Variants in LUZP2 observed in about 807,000 individuals in gnomAD.
LUZP2 encodes leucine zipper protein 2.
Under a neutral mutation model 51.6 loss-of-function variants are expected in LUZP2, and 52 were observed. The observed-to-expected ratio is 1.01, with a 90% CI of 0.81 to 1.27. LUZP2 has a LOEUF of 1.27. Ranked by LOEUF, LUZP2 falls within the 50% of genes most tolerant of loss-of-function variation. The probability of loss-of-function intolerance (pLI) is 0.00; values close to 1 mark genes in which losing one functional copy is unlikely to be tolerated. For missense variants in LUZP2, 436 were observed against 395.4 expected (o/e 1.10, Z -0.87); for synonymous variants, 154 against 137.3 (o/e 1.12, Z -0.85).
At chr11:25,004,802 C>G (rs903729107) in intron 9 of LUZP2, among the ~76,000 whole-genome samples, 1 of 152,140 alleles carries the variant, frequency 6.6e-6, no homozygotes, top group Non-Finnish European at 1.5e-5. Flanking sequence ...AGTGGGGATC[C>G]ATACTGGGGA....
At chr11:24,613,693 C>T (rs1207649453) in intron 1 of LUZP2, among the ~76,000 whole-genome samples, 2 of 151,534 alleles carry the variant, frequency 1.3e-5, no homozygotes, top group Non-Finnish European at 1.5e-5. Context: ...ACAATAAGTA[C>T]TAGTGACTTA....
intron 5 of LUZP2, among the ~76,000 whole-genome samples, chr11:24,830,119 C>G: frequency 7.1e-6 from 1 of 140,168 alleles, no homozygotes; most frequent in East Asian, 2.2e-4. Context: ...GAAAAAAAAA[C>G]GCTTAAAGCC....
intron 1 of LUZP2, among the ~76,000 whole-genome samples, chr11:24,603,538 A>G (rs1403356187): frequency 6.6e-6 from 1 of 151,858 alleles, no homozygotes; most frequent in Non-Finnish European, 1.5e-5. Flanking sequence ...CATTTTTCTC[A>G]TAACCATACT....
At chr11:24,571,410 T>C (rs1852439169) in intron 1 of LUZP2, among the ~76,000 whole-genome samples, 1 of 152,084 alleles carries the variant, frequency 6.6e-6, no homozygotes, top group Non-Finnish European at 1.5e-5. Context: ...GATGTACATA[T>C]AAATATTAGT....
chr11:24,858,531 CTG>C (rs1336201503), intron 5 of LUZP2, among the ~76,000 whole-genome samples: 7 of 152,084 alleles, frequency 4.6e-5, no homozygotes, highest in African/African-American at 1.4e-4. Flanking sequence ...TTACATTTCT[CTG>C]TATTTCTACG....
chr11:25,054,404 C>T (rs1198427625), intron 10 of LUZP2, among the ~76,000 whole-genome samples: 1 of 152,010 alleles, frequency 6.6e-6, no homozygotes, highest in East Asian at 1.9e-4. Context: ...TGTTTAAGCA[C>T]ACTGATTTTT....
Position 24,583,283 on chromosome 11 carries a change from T to C in LUZP2, c.62+85978T>C, listed in dbSNP as rs188479627. Among the ~76,000 whole-genome samples, 19 of 152,224 alleles carry C rather than the reference T, an allele frequency of 1.2e-4. 1 individual carries two copies. The highest frequency in any genetic ancestry group is 4.6e-4 in the African/African-American group (19 of 41,550). On this transcript the variant is annotated intron_variant, in intron 1 of 11. Transcript: ENST00000336930. Reference sequence around the variant, plus strand: ...AGTGTTCAAACAAGCCAGCATACAATGTGATTTCTTAACCAGTTTGCCAGC... The same window carrying C: ...AGTGTTCAAACAAGCCAGCATACAACGTGATTTCTTAACCAGTTTGCCAGC...
chr11:25,027,998 T>A (rs767896083), intron 9 of LUZP2, among the ~76,000 whole-genome samples: 4 of 152,122 alleles, frequency 2.6e-5, no homozygotes, highest in Admixed American at 6.6e-5. Flanking sequence ...ATACTTTCCG[T>A]CTATTGGAAC....
At chr11:24,933,250 G>A (rs921519051) in intron 7 of LUZP2, among the ~76,000 whole-genome samples, 1 of 152,052 alleles carries the variant, frequency 6.6e-6, no homozygotes, top group Non-Finnish European at 1.5e-5. Context: ...GTTAGTTCCT[G>A]TGGTAGTTTG....
intron 1 of LUZP2, among the ~76,000 whole-genome samples, chr11:24,683,393 A>T (rs1856806505): frequency 6.6e-6 from 1 of 152,152 alleles, no homozygotes; most frequent in South Asian, 2.1e-4. Context: ...AGGAGTGTTG[A>T]TTTCCTGAAA....
chr11:25,055,902 C>G (rs977428454), intron 10 of LUZP2, among the ~76,000 whole-genome samples: 1 of 152,056 alleles, frequency 6.6e-6, no homozygotes, highest in African/African-American at 2.4e-5. Context: ...TATAACTCAT[C>G]CAAAGGATCC....
chr11:24,527,599 A>AG (rs112511900), intron 1 of LUZP2, among the ~76,000 whole-genome samples: 17,639 of 147,956 alleles, frequency 0.12, 1,494 homozygotes, highest in African/African-American at 0.22. Context: ...ACACACACAC[A>AG]TTTATTTGTT....
At chr11:24,988,623 G>GAAATAGTGTTAA (rs754063932) in intron 9 of LUZP2, among the ~76,000 whole-genome samples, 3 of 151,950 alleles carry the variant, frequency 2.0e-5, no homozygotes, top group Non-Finnish European at 2.9e-5. Context: ...GGTCCTTTAT[G>GAAATAGTGTTAA]AAATAGTGTT....
chr11:24,878,786 A>G (rs1852360270), intron 5 of LUZP2, among the ~76,000 whole-genome samples: 1 of 151,222 alleles, frequency 6.6e-6, no homozygotes, highest in African/African-American at 2.4e-5. Context: ...CCACACCCTA[A>G]CAGGCCCTGG....
At chr11:24,588,873 C>T (rs1486597364) in intron 1 of LUZP2, among the ~76,000 whole-genome samples, 1 of 152,034 alleles carries the variant, frequency 6.6e-6, no homozygotes, top group Non-Finnish European at 1.5e-5. Flanking sequence ...AGAAGATCCT[C>T]ACTTCATATT....
chr11:24,574,394 ATC>A (rs139446364), intron 1 of LUZP2, among the ~76,000 whole-genome samples: 27 of 138,770 alleles, frequency 1.9e-4, no homozygotes, highest in African/African-American at 1.7e-4. Context: ...TCTTTCTTTC[ATC>A]TCTCTCTCTC....
At chr11:24,673,922 T>G (rs1311343264) in intron 1 of LUZP2, among the ~76,000 whole-genome samples, 1 of 152,230 alleles carries the variant, frequency 6.6e-6, no homozygotes, top group African/African-American at 2.4e-5. Flanking sequence ...TACTGACATT[T>G]CTCATCAACA....
At chr11:25,020,538 C>A (rs1590843764) in intron 9 of LUZP2, among the ~76,000 whole-genome samples, 2 of 151,768 alleles carry the variant, frequency 1.3e-5, no homozygotes, top group Admixed American at 1.3e-4. Context: ...TCTTATGTTT[C>A]ACTAGTCACA....
intron 1 of LUZP2, among the ~76,000 whole-genome samples, chr11:24,644,178 C>T (rs1054930424): frequency 2.0e-5 from 3 of 152,140 alleles, no homozygotes; most frequent in African/African-American, 7.2e-5. Context: ...TCTAGAAATT[C>T]ACACTCTTTA....
Sources: gnomAD v4.1 joint callset for allele counts (sites outside exome capture counted in the v4.1 genomes callset) on GRCh38, gnomAD v4.1.1 for gene constraint, MANE v1.5 for transcripts, NCBI Gene and HGNC (gene_info 2026-07-23, HGNC 2026-07-21) for gene names.